GPT2: variants seen among roughly 807,000 people sequenced by gnomAD.
GPT2 encodes the protein alanine aminotransferase 2.
In GPT2, 30 loss-of-function variants were observed where a neutral mutation model predicts 56.9. That is an observed-to-expected ratio of 0.53 (90% CI 0.39 to 0.72). GPT2 has a LOEUF of 0.72. Ranked by LOEUF, GPT2 falls within the 30% of genes least tolerant of loss-of-function variation. The pLI is 0.00. For missense variants in GPT2, 542 were observed against 703.4 expected (o/e 0.77, Z 2.60); for synonymous variants, 271 against 283.1 (o/e 0.96, Z 0.43).
intron 6 of GPT2, among the ~76,000 whole-genome samples, 181 bp downstream of exon 6, chr16:46,910,108 C>T (rs1025755906): frequency 6.6e-6 from 1 of 152,078 alleles, no homozygotes; most frequent in Admixed American, 6.6e-5. Context: ...AGGCCAGGTG[C>T]GGTGGCCCAT....
At chr16:46,915,357 T>G (rs1408559505) in intron 6 of GPT2, 1 of 46,544 alleles carries the variant, frequency 2.1e-5, no homozygotes, top group Non-Finnish European at 6.0e-5. Flanking sequence ...CACCCACACA[T>G]GCACATGTGT....
Position 46,906,894 on chromosome 16 carries a change from C to T in GPT2, c.495C>T (p.Ala165=). The T allele has an allele frequency of 1.9e-6, 3 of 1,614,238 alleles. No individual in the cohort carries two copies. Among genetic ancestry groups the T allele is most frequent in the Non-Finnish European group, 2.5e-6 (3 of 1,180,054 alleles). The change falls in exon 5 of 12, where the codon GCC becomes GCT. Residue 165 remains alanine, a synonymous_variant. Coordinates refer to ENST00000340124, the MANE Select transcript of GPT2 (RefSeq NM_133443.4). ...GVNCIREDVA[A]YITRRDGGVP... is the part of the protein sequence containing the mutation. ...ACTGCATCCGTGAAGATGTGGCTGC[C>T]TACATCACCAGGAGGGATGGCGGTG...
chr16:46,922,532 T>C, intron 9 of GPT2, 116 bp downstream of exon 9: 1 of 962,242 alleles, frequency 1.0e-6, no homozygotes, highest in East Asian at 2.6e-5. Context: ...GGGTGTGGCC[T>C]GCAGGTGCAC....
Position 46,884,678 on chromosome 16 carries a change from T to C in GPT2, c.-22-16T>C. 7.3e-7 allele frequency: 1 copy of C among 1,365,668 alleles called. No homozygotes were observed. The highest frequency in any genetic ancestry group is 9.5e-7 in the Non-Finnish European group (1 of 1,057,144). The allele number at this position is 1,365,668 out of a possible 1,614,324, so 84.6% of individuals were successfully genotyped here. ...CAGTGCGCGACGTGTTTGTTCTTTT[T>C]CTCTTTTTGTGCCAGGGTTTCTCTC... is the stretch of plus-strand genomic sequence containing the variant. On this transcript the variant is annotated splice_polypyrimidine_tract_variant and intron_variant, in intron 1 of 11. Coordinates refer to ENST00000340124, the MANE Select transcript of GPT2 (RefSeq NM_133443.4).
At chr16:46,887,581 C>T (rs1960509001) in intron 2 of GPT2, among the ~76,000 whole-genome samples, 2 of 151,966 alleles carry the variant, frequency 1.3e-5, no homozygotes, top group Non-Finnish European at 2.9e-5. Context: ...ACAGATGTGG[C>T]CTGGCTGGGC....
chr16:46,924,457 C>T lies in GPT2; in HGVS notation c.1281C>T (p.Val427=). 1 of 1,614,212 alleles carries T rather than the reference C, an allele frequency of 6.2e-7. No individual in the cohort carries two copies. Among genetic ancestry groups the T allele is most frequent in the Non-Finnish European group, 8.5e-7 (1 of 1,180,030 alleles). The change falls in exon 10 of 12, where the codon GTC becomes GTT. Residue 427 remains valine (V), a synonymous_variant. Coordinates refer to ENST00000340124, the MANE Select transcript of GPT2 (RefSeq NM_133443.4). ...AKLTEDLFNQ[V]PGIHCNPLQG... ...TGACGGAAGACCTGTTTAACCAAGT[C>T]CCAGGAATTCACTGCAACCCCTTGC...
Position 46,918,762 on chromosome 16 carries a change from G to T in GPT2, c.1037+5G>T, listed in dbSNP as rs1277787958. On this transcript the variant is annotated splice_donor_5th_base_variant and intron_variant, in intron 8 of 11. Transcript: ENST00000340124. ...CTCCAAGGGCTACATGGGCGAGTAC[G>T]TGGGCCTCCCTTCCCTCTGCCACTG... is the stretch of plus-strand genomic sequence containing the variant. 6.2e-7 allele frequency: 1 copy of T among 1,613,518 alleles called. No homozygotes were observed. The highest frequency in any genetic ancestry group is 8.5e-7 in the Non-Finnish European group (1 of 1,179,912).
At chr16:46,917,225 A>G (rs1317324879) in intron 7 of GPT2, among the ~76,000 whole-genome samples, 1 of 152,144 alleles carries the variant, frequency 6.6e-6, no homozygotes, top group African/African-American at 2.4e-5. Context: ...TCCAGTATGC[A>G]GATTGGCCAG....
intron 4 of GPT2, among the ~76,000 whole-genome samples, chr16:46,904,519 T>G (rs1960882291): frequency 6.6e-6 from 1 of 152,160 alleles, no homozygotes; most frequent in African/African-American, 2.4e-5. Context: ...AGACTAGAAA[T>G]GAGCCTAGAA....
intron 6 of GPT2, among the ~76,000 whole-genome samples, chr16:46,914,619 G>A (rs1230204456): frequency 6.6e-6 from 1 of 152,244 alleles, no homozygotes; most frequent in Non-Finnish European, 1.5e-5. Context: ...CTTTAGTGAT[G>A]CATGGTAGCA....
intron 2 of GPT2, 132 bp from the exon 3 acceptor site, chr16:46,897,516 G>T: frequency 1.4e-6 from 1 of 738,784 alleles, no homozygotes; most frequent in South Asian, 1.8e-5. Context: ...CAAAGGCCTG[G>T]CACCAAGTCA....
intron 6 of GPT2, chr16:46,916,362 A>T: frequency 6.7e-6 from 2 of 297,760 alleles, no homozygotes; most frequent in Non-Finnish European, 1.3e-5. Context: ...ATTAAAAAAA[A>T]AAAAATAAGA....
chr16:46,886,554 A>G (rs1960487962), intron 2 of GPT2, among the ~76,000 whole-genome samples: 1 of 152,204 alleles, frequency 6.6e-6, no homozygotes, highest in South Asian at 2.1e-4. Flanking sequence ...AGAATACGTG[A>G]GAGCCTTCCA....
rs538770104 is a variant in GPT2, at chr16:46,897,686, C to T, written c.282C>T (p.Asn94=). The change falls in exon 3 of 12, where the codon AAC becomes AAT. Residue 94 remains asparagine (N), a synonymous_variant. Transcript: ENST00000340124. ...CATTCACAGAGGTCATCCGAGCCAA[C>T]ATCGGGGACGCCCAGGCTATGGGGC... ...KKPFTEVIRA[N]IGDAQAMGQQ... The T allele has an allele frequency of 1.9e-6, 3 of 1,614,170 alleles. No individual in the cohort carries two copies. Among genetic ancestry groups the T allele is most frequent in the East Asian group, 4.5e-5 (2 of 44,884 alleles).
intron 3 of GPT2, among the ~76,000 whole-genome samples, chr16:46,898,992 A>AC (rs1355515495): frequency 4.5e-4 from 28 of 62,326 alleles, no homozygotes; most frequent in African/African-American, 9.3e-4. Context: ...ATATATATAT[A>AC]ACACACATAT....
At chr16:46,921,450 G>A (rs529968642) in intron 8 of GPT2, among the ~76,000 whole-genome samples, 1 of 152,136 alleles carries the variant, frequency 6.6e-6, no homozygotes, top group South Asian at 2.1e-4. Flanking sequence ...TGTGATTACA[G>A]GACTGAGCCA....
chr16:46,900,847 GC>G, intron 4 of GPT2, 57 bp downstream of exon 4: 4 of 1,463,228 alleles, frequency 2.7e-6, no homozygotes, highest in South Asian at 1.1e-5. Context: ...TTCCCAGGCG[GC>G]CCCAGCCTCA....
At chr16:46,898,058 G>T (rs757225594) in intron 3 of GPT2, among the ~76,000 whole-genome samples, 2 of 152,218 alleles carry the variant, frequency 1.3e-5, no homozygotes, top group Non-Finnish European at 2.9e-5. Context: ...GGCTGGGCTG[G>T]GAGGAGGCGT....
chr16:46,895,960 A>C (rs1171561750), intron 2 of GPT2, among the ~76,000 whole-genome samples: 1 of 152,182 alleles, frequency 6.6e-6, no homozygotes. Flanking sequence ...ATATCTGTAA[A>C]ATTTGTATTT....
Sources: gnomAD v4.1 joint callset for allele counts (sites outside exome capture counted in the v4.1 genomes callset) on GRCh38, gnomAD v4.1.1 for gene constraint, MANE v1.5 for transcripts, NCBI Gene and HGNC (gene_info 2026-07-23, HGNC 2026-07-21) for gene names.